RPTOR: variants seen among roughly 807,000 people sequenced by gnomAD.
RPTOR encodes the protein regulatory associated protein of MTOR complex 1.
A neutral mutation model predicts 169.9 loss-of-function variants in RPTOR; 21 were observed. The observed-to-expected ratio is 0.12, with a 90% CI of 0.09 to 0.18. RPTOR has a LOEUF of 0.18. RPTOR is among the 10% of genes least tolerant of loss of function. The pLI, the probability that RPTOR is intolerant of heterozygous loss-of-function variation, is 1.00. For synonymous variants in RPTOR, 732 were observed against 753.2 expected (o/e 0.97, Z 0.46); for missense variants, 1,133 against 1,855.9 (o/e 0.61, Z 7.16).
At chr17:80,913,767 T>C (rs2068639388) in intron 21 of RPTOR, among the ~76,000 whole-genome samples, 1 of 152,156 alleles carries the variant, frequency 6.6e-6, no homozygotes, top group South Asian at 2.1e-4. Context: ...TTTAGGTTTT[T>C]TTAAGGAAAA....
intron 3 of RPTOR, among the ~76,000 whole-genome samples, chr17:80,667,616 C>T (rs1277006063): frequency 1.3e-5 from 2 of 152,208 alleles, no homozygotes; most frequent in East Asian, 1.9e-4. Context: ...GTAAGCCCTT[C>T]GCACCCATGA....
chr17:80,598,865 T>G (rs1394175608), intron 1 of RPTOR, among the ~76,000 whole-genome samples: 1 of 149,892 alleles, frequency 6.7e-6, no homozygotes, highest in Admixed American at 6.7e-5. Flanking sequence ...TTATTGACCT[T>G]AAACTTTCTT....
chr17:80,881,497 A>C (rs2068185798), intron 14 of RPTOR, among the ~76,000 whole-genome samples: 2 of 152,254 alleles, frequency 1.3e-5, no homozygotes, highest in South Asian at 4.1e-4. Context: ...AGCCTGCGGA[A>C]GTTTTGAGGA....
chr17:80,647,688 G>C (rs911418121), intron 3 of RPTOR, among the ~76,000 whole-genome samples: 11 of 152,198 alleles, frequency 7.2e-5, no homozygotes, highest in African/African-American at 2.4e-4. Flanking sequence ...CACTGACCAA[G>C]TCTGTCCGTC....
chr17:80,818,444 C>G (rs1279603751), intron 7 of RPTOR, among the ~76,000 whole-genome samples: 1 of 152,216 alleles, frequency 6.6e-6, no homozygotes, highest in East Asian at 1.9e-4. Flanking sequence ...CCCTCGTGAT[C>G]TCAGTGGCCT....
At chr17:80,852,290 A>C in intron 11 of RPTOR, among the ~76,000 whole-genome samples, 1 of 152,180 alleles carries the variant, frequency 6.6e-6, no homozygotes, top group Non-Finnish European at 1.5e-5. Flanking sequence ...AATCTAAGCC[A>C]ATTATTGGGC....
chr17:80,740,614 C>T (rs1484341003), intron 5 of RPTOR, among the ~76,000 whole-genome samples: 1 of 151,748 alleles, frequency 6.6e-6, no homozygotes, highest in Non-Finnish European at 1.5e-5. Flanking sequence ...AAGTCTAGTT[C>T]AATGTTTAAA....
chr17:80,738,214 C>T (rs1321426408), intron 5 of RPTOR, among the ~76,000 whole-genome samples: 1 of 152,240 alleles, frequency 6.6e-6, no homozygotes, highest in African/African-American at 2.4e-5. Flanking sequence ...GTGTACCTGG[C>T]AGGCCTCAGC....
At chr17:80,815,652 C>T (rs921736587) in intron 7 of RPTOR, among the ~76,000 whole-genome samples, 1 of 152,248 alleles carries the variant, frequency 6.6e-6, no homozygotes, top group Non-Finnish European at 1.5e-5. Context: ...AAGTCATTAT[C>T]CATGGGAATT....
In RPTOR at chr17:80,922,786, C is replaced by G. The variant is rs756702622; in HGVS notation, c.2583C>G (p.Pro861=). 1 of 1,587,956 alleles carries G rather than the reference C, an allele frequency of 6.3e-7. No homozygotes were observed. Among genetic ancestry groups the G allele is most frequent in the African/African-American group, 1.3e-5 (1 of 74,352 alleles). Residue 861 remains proline (P), a synonymous_variant, in exon 22 of 34, where the codon CCC becomes CCG. Transcript: ENST00000306801. ...LDTSSLTQSA[P]ASPTNKGVHI... ...CCTCCTCCCTCACGCAGTCGGCCCC[C>G]GCCAGCCCCACCAACAAGGGCGTGC...
At chr17:80,710,566 T>TG (rs2066180016) in intron 4 of RPTOR, among the ~76,000 whole-genome samples, 2 of 105,030 alleles carry the variant, frequency 1.9e-5, no homozygotes, top group African/African-American at 8.5e-5. Context: ...CCCTTGGTTA[T>TG]TTGTATGTGT....
At position 80,925,374 on chromosome 17, in the gene RPTOR, C is replaced by T. The variant is rs199756138; in HGVS notation, c.2813C>T (p.Ala938Val). The stretch of plus-strand genomic sequence containing the variant: ...CCTCCTGCTTAAACCCTGAAGACTG[C>T]GGACGACGCGGACGATGCTGCTGGA... ...KMFDKGPEQT[A>V]DDADDAAGHK... Residue 938 changes from alanine to valine, a missense_variant, in exon 24 of 34, where the codon GCG becomes GTG. This residue lies in a region of RPTOR where 410 missense variants were observed against 623.7 expected (regional missense o/e 0.66). Coordinates refer to ENST00000306801, the MANE Select transcript of RPTOR (RefSeq NM_020761.3). 1.3e-5 allele frequency: 21 copies of T among 1,613,162 alleles called. 1 individual carries two copies. Among genetic ancestry groups the T allele is most frequent in the South Asian group, 4.4e-5 (4 of 91,066 alleles).
rs1050957802 is a variant in RPTOR at position 80,845,659 on chromosome 17, G to T, written c.1213-814G>T. Among the ~76,000 whole-genome samples the T allele has an allele frequency of 1.6e-4, 25 of 151,866 alleles. No individual in the cohort carries two copies. Among genetic ancestry groups the T allele is most frequent in the Non-Finnish European group, 2.9e-4 (20 of 67,978 alleles). Reference sequence around the variant, plus strand: ...CCCCAGCTGGGTCTTTCTCACCAGCGTCCTGTCCCCATTACTCCACATCTA... The same window carrying T: ...CCCCAGCTGGGTCTTTCTCACCAGCTTCCTGTCCCCATTACTCCACATCTA... On this transcript the variant is annotated intron_variant, in intron 10 of 33. Coordinates refer to ENST00000306801, the MANE Select transcript of RPTOR (RefSeq NM_020761.3). This position sits in a 1 kb window ranked among gnomAD's most constrained non-coding sequence, Gnocchi z 5.4.
intron 1 of RPTOR, among the ~76,000 whole-genome samples, chr17:80,570,059 C>T (rs1398118062): frequency 6.6e-6 from 1 of 152,088 alleles, no homozygotes. Flanking sequence ...CTCCTTGTTA[C>T]TCTGCCGCTC....
At chr17:80,560,719 G>A (rs560159670) in intron 1 of RPTOR, among the ~76,000 whole-genome samples, 4 of 152,148 alleles carry the variant, frequency 2.6e-5, no homozygotes, top group Admixed American at 2.6e-4. Flanking sequence ...ATGCCCACCC[G>A]GTGCTCTGTG....
At chr17:80,569,516 C>T (rs996235091) in intron 1 of RPTOR, among the ~76,000 whole-genome samples, 4 of 152,008 alleles carry the variant, frequency 2.6e-5, no homozygotes, top group South Asian at 4.2e-4. Context: ...CAGAGCGAGA[C>T]TCTGTCTCAA....
chr17:80,906,828 G>A (rs145066476), intron 20 of RPTOR, among the ~76,000 whole-genome samples: 1 of 152,060 alleles, frequency 6.6e-6, no homozygotes, highest in East Asian at 1.9e-4. Flanking sequence ...CAGTCCTGGA[G>A]ACAATCACTC....
At position 80,908,906 on chromosome 17, in the gene RPTOR, G is replaced by C; in HGVS notation, c.2497G>C (p.Val833Leu). ...YPEVSDVAMKVLNSIAYKATV... is the reference protein window; with the variant it reads ...YPEVSDVAMKLLNSIAYKATV... ...AGAGGTCTCGGACGTGGCCATGAAA[G>C]TACTCAACAGCATCGCCTACAAGGT... The change falls in exon 21 of 34, where the codon GTA becomes CTA. Residue 833 changes from valine (V) to leucine (L), a missense_variant. Physicochemically the swap from Val to Leu is conservative, Grantham distance 32. Around this residue, in one of 9 missense-constraint regions of RPTOR, gnomAD observed 123 missense variants for 129.0 expected, o/e 0.95. Coordinates refer to ENST00000306801, the MANE Select transcript of RPTOR (RefSeq NM_020761.3). The C allele has an allele frequency of 6.2e-7, 1 of 1,613,822 alleles. No individual in the cohort carries two copies. The highest frequency in any genetic ancestry group is 1.3e-5 in the African/African-American group (1 of 75,030).
chr17:80,777,129 G>C (rs2066898931), intron 6 of RPTOR, among the ~76,000 whole-genome samples: 1 of 152,106 alleles, frequency 6.6e-6, no homozygotes, highest in East Asian at 1.9e-4. Flanking sequence ...CCCATCTACT[G>C]GGGAGGCTGA....
Sources: allele counts gnomAD v4.1 joint callset (sites outside exome capture counted in the v4.1 genomes callset), GRCh38; gene constraint gnomAD v4.1.1; regional missense constraint gnomAD v4.1.1; non-coding constraint Gnocchi (gnomAD v3.1); transcripts MANE v1.5; gene names NCBI Gene and HGNC (gene_info 2026-07-23, HGNC 2026-07-21).